The following RAPGEF4 variants were observed in gnomAD, a reference collection of about 807,000 sequenced individuals.
RAPGEF4 encodes Rap guanine nucleotide exchange factor 4.
Under a neutral mutation model 147.9 loss-of-function variants are expected in RAPGEF4, and 66 were observed. The observed-to-expected ratio is 0.45, with a 90% CI of 0.37 to 0.55. RAPGEF4 has a LOEUF of 0.55. Ranked by LOEUF, RAPGEF4 falls within the 20% of genes least tolerant of loss-of-function variation. The pLI is 0.00. For missense variants in RAPGEF4, 1,071 were observed against 1,257.3 expected (o/e 0.85, Z 2.24); for synonymous variants, 419 against 442.7 (o/e 0.95, Z 0.67).
intron 11 of RAPGEF4, 119 bp from the exon 12 acceptor site, chr2:172,985,314 G>T (rs891564292): frequency 1.5e-6 from 2 of 1,357,326 alleles, no homozygotes; most frequent in African/African-American, 2.9e-5. Flanking sequence ...AGAGAGGTGA[G>T]AGATGACTGC....
chr2:173,001,705 G>A (rs1693938372), intron 17 of RAPGEF4, among the ~76,000 whole-genome samples: 1 of 152,112 alleles, frequency 6.6e-6, no homozygotes, highest in Non-Finnish European at 1.5e-5. Context: ...TTCTGGGGAG[G>A]ACTTGGGGAA....
At chr2:172,996,970 C>T (rs1482657339) in intron 16 of RAPGEF4, among the ~76,000 whole-genome samples, 1 of 152,190 alleles carries the variant, frequency 6.6e-6, no homozygotes, top group Non-Finnish European at 1.5e-5. Flanking sequence ...TTGTAGAGTC[C>T]AGCTGCTCTA....
intron 3 of RAPGEF4, among the ~76,000 whole-genome samples, chr2:172,811,325 C>T (rs531817578): frequency 1.3e-5 from 2 of 152,288 alleles, no homozygotes; most frequent in Admixed American, 6.5e-5. Flanking sequence ...ATATTGAAGT[C>T]GGGTTTTTAA....
At chr2:173,006,047 A>G (rs1694451413) in intron 17 of RAPGEF4, among the ~76,000 whole-genome samples, 1 of 152,216 alleles carries the variant, frequency 6.6e-6, no homozygotes, top group Admixed American at 6.5e-5. Context: ...GACTCTAGCT[A>G]GACTGGGCCA....
intron 4 of RAPGEF4, among the ~76,000 whole-genome samples, chr2:172,871,924 G>T (rs926638355): frequency 2.2e-4 from 33 of 152,232 alleles, no homozygotes; most frequent in African/African-American, 7.7e-4. Context: ...CAACTTGCTT[G>T]GAGTCACACA....
intron 6 of RAPGEF4, among the ~76,000 whole-genome samples, chr2:172,944,208 G>C (rs1363360735): frequency 6.6e-6 from 1 of 152,094 alleles, no homozygotes; most frequent in East Asian, 1.9e-4. Flanking sequence ...TGCATCCTGG[G>C]AGGAGCCTCA....
intron 6 of RAPGEF4, among the ~76,000 whole-genome samples, chr2:172,945,722 A>G (rs748095645): frequency 3.9e-5 from 6 of 152,170 alleles, no homozygotes; most frequent in African/African-American, 9.7e-5. Flanking sequence ...ATGCATTTAA[A>G]TATTAAGAGA....
chr2:172,763,451 A>C (rs1696532546), intron 1 of RAPGEF4, among the ~76,000 whole-genome samples: 1 of 152,222 alleles, frequency 6.6e-6, no homozygotes, highest in Admixed American at 6.5e-5. Context: ...GCTATGAGAA[A>C]TCAGATCAGA....
At chr2:172,764,744 G>C (rs534578741) in intron 1 of RAPGEF4, among the ~76,000 whole-genome samples, 6 of 152,294 alleles carry the variant, frequency 3.9e-5, no homozygotes, top group Non-Finnish European at 8.8e-5. Flanking sequence ...CAGTATCTAA[G>C]GTGCCTGCCT....
At chr2:172,964,019 G>T (rs1689573241) in intron 8 of RAPGEF4, among the ~76,000 whole-genome samples, 1 of 152,128 alleles carries the variant, frequency 6.6e-6, no homozygotes, top group African/African-American at 2.4e-5. Context: ...ATCATCTCGA[G>T]TCTGTGTACT....
chr2:172,926,032 ACGG>A (rs1685313177), intron 6 of RAPGEF4, among the ~76,000 whole-genome samples: 1 of 41,050 alleles, frequency 2.4e-5, no homozygotes, highest in Non-Finnish European at 4.3e-5. Context: ...GGAGGGAGGG[ACGG>A]AGGGAGGGAG....
intron 4 of RAPGEF4, among the ~76,000 whole-genome samples, chr2:172,914,604 A>T (rs954415636): frequency 2.0e-5 from 3 of 151,230 alleles, no homozygotes; most frequent in African/African-American, 7.3e-5. Flanking sequence ...GGAGAGAGGA[A>T]GAAAAGAGAA....
rs189552228 is a variant in RAPGEF4 at position 172,982,085 on chromosome 2, T to G, written c.1005-1411T>G. Among the ~76,000 whole-genome samples, 294 of 152,330 alleles carry G rather than the reference T, an allele frequency of 1.9e-3. 6 individuals are homozygous for G. The highest frequency in any genetic ancestry group is 0.017 in the Admixed American group (262 of 15,304). On this transcript the variant is annotated intron_variant, in intron 10 of 30. Transcript: ENST00000397081. Reference sequence around the variant, plus strand: ...CAGTTTTCATATGAGACTAAGACTTTGATGTCACATGGCTGGTGAGTGGTT... The same window carrying G: ...CAGTTTTCATATGAGACTAAGACTTGGATGTCACATGGCTGGTGAGTGGTT...
intron 10 of RAPGEF4, 96 bp downstream of exon 10, chr2:172,967,540 C>G: frequency 7.7e-7 from 1 of 1,294,950 alleles, no homozygotes; most frequent in African/African-American, 1.5e-5. Context: ...CTCAAAAGCC[C>G]TGGCCATCCC....
At chr2:172,801,601 CT>C (rs1686989187) in intron 3 of RAPGEF4, among the ~76,000 whole-genome samples, 1 of 152,114 alleles carries the variant, frequency 6.6e-6, no homozygotes, top group African/African-American at 2.4e-5. Flanking sequence ...CCCCTTAGTG[CT>C]GTGGTTTGTC....
At chr2:172,897,662 A>G (rs1022384686) in intron 4 of RAPGEF4, among the ~76,000 whole-genome samples, 2 of 151,954 alleles carry the variant, frequency 1.3e-5, no homozygotes, top group Non-Finnish European at 2.9e-5. Context: ...TCAGCCTCCC[A>G]AAGTGCTGGG....
chr2:172,992,325 C>T (rs1295137834), intron 15 of RAPGEF4, among the ~76,000 whole-genome samples: 3 of 152,190 alleles, frequency 2.0e-5, no homozygotes, highest in African/African-American at 7.2e-5. Flanking sequence ...TCCTTCCAGT[C>T]CACTAAGGAG....
At chr2:172,924,273 C>A (rs1040617255) in intron 6 of RAPGEF4, among the ~76,000 whole-genome samples, 12 of 152,260 alleles carry the variant, frequency 7.9e-5, no homozygotes, top group African/African-American at 2.4e-4. Flanking sequence ...AGGTGGGATC[C>A]CCCTGCAGTG....
At chr2:172,742,969 C>G (rs1694433385) in intron 1 of RAPGEF4, among the ~76,000 whole-genome samples, 1 of 152,134 alleles carries the variant, frequency 6.6e-6, no homozygotes, top group Non-Finnish European at 1.5e-5. Context: ...ATTTCTGGCC[C>G]CTCCTGTGAG....
Sources: gnomAD v4.1 joint callset for allele counts (sites outside exome capture counted in the v4.1 genomes callset) on GRCh38, gnomAD v4.1.1 for gene constraint, MANE v1.5 for transcripts, NCBI Gene and HGNC (gene_info 2026-07-23, HGNC 2026-07-21) for gene names.